ACSL3: variants seen among roughly 807,000 people sequenced by gnomAD.
The protein encoded by ACSL3 is fatty acid CoA ligase Acsl3.
Under a neutral mutation model 84.7 loss-of-function variants are expected in ACSL3, and 34 were observed. The observed-to-expected ratio is 0.40, with a 90% CI of 0.31 to 0.53. The LOEUF (loss-of-function observed/expected upper bound fraction) is 0.53. Ranked by LOEUF, ACSL3 falls within the 20% of genes least tolerant of loss-of-function variation. The pLI is 0.48. For synonymous variants in ACSL3, 315 were observed against 299.4 expected, an observed-to-expected ratio of 1.05 and a Z score of -0.54; for missense variants, 680 against 873.1, an observed-to-expected ratio of 0.78 and a Z score of 2.79.
chr2:222,919,673 T>G (rs974712009), intron 7 of ACSL3, among the ~76,000 whole-genome samples: 7 of 152,180 alleles, frequency 4.6e-5, no homozygotes, highest in Admixed American at 4.6e-4. Context: ...GTTCCTATTC[T>G]CAAAAAAGCG....
intron 1 of ACSL3, among the ~76,000 whole-genome samples, chr2:222,879,052 C>CA (rs1368026685): frequency 6.6e-6 from 1 of 152,204 alleles, no homozygotes; most frequent in African/African-American, 2.4e-5. Context: ...AACAGTGACT[C>CA]ACACCTGTAA....
At chr2:222,889,351 C>A (rs186291309) in intron 2 of ACSL3, among the ~76,000 whole-genome samples, 209 of 152,146 alleles carry the variant, frequency 1.4e-3, no homozygotes, top group Middle Eastern at 0.01. Flanking sequence ...CATAATTTTG[C>A]CTAAAAAGAG....
chr2:222,937,082 T>A (rs1697192251), intron 16 of ACSL3, among the ~76,000 whole-genome samples: 1 of 152,196 alleles, frequency 6.6e-6, no homozygotes, highest in Non-Finnish European at 1.5e-5. Context: ...TGCATTTATT[T>A]GTGTCTTTTA....
In ACSL3 at chr2:222,882,761, G is replaced by GTTTTTTTTTT. The variant is rs71408540; in HGVS notation, c.-206-5059_-206-5050dup. On this transcript the variant is annotated intron_variant, in intron 1 of 16. Transcript: ENST00000357430. ...TTGTCTGGAATACCTCCAGATCACT[G>GTTTTTTTTTT]TTTTTTTTTTTTTTTTTTTGAAGAC... 1.0e-4 allele frequency among the ~76,000 whole-genome samples: 12 copies of GTTTTTTTTTT among 119,982 alleles called. 1 individual carries two copies. The highest frequency in any genetic ancestry group is 3.1e-4 in the African/African-American group (10 of 31,878). 78.7% of individuals were successfully genotyped at this position (119,982 alleles called of 152,430 possible).
rs768172715 is a variant in ACSL3 at position 222,919,036 on chromosome 2, A to G, written c.667-28A>G. The G allele has an allele frequency of 9.3e-6, 15 of 1,609,594 alleles. No individual in the cohort carries two copies. The South Asian group carries it at 1.7e-4, about 18-fold the overall frequency. ...TCGCTAAGCTGCTTGAAAAATAATG[A>G]ACGTGATGAATGTTGGTGTATTTCT... On this transcript the variant is annotated intron_variant, in intron 6 of 16. Transcript: ENST00000357430.
chr2:222,867,147 T>G (rs1211781831), intron 1 of ACSL3, among the ~76,000 whole-genome samples: 1 of 152,186 alleles, frequency 6.6e-6, no homozygotes, highest in Non-Finnish European at 1.5e-5. Flanking sequence ...ATTTTCTTTT[T>G]GGACTTGAAC....
At chr2:222,880,618 G>A (rs1271901572) in intron 1 of ACSL3, among the ~76,000 whole-genome samples, 1 of 152,038 alleles carries the variant, frequency 6.6e-6, no homozygotes, top group East Asian at 1.9e-4. Flanking sequence ...CACGAGATCA[G>A]GAGATCAAGA....
At chr2:222,932,549 G>A (rs1697060736) in intron 14 of ACSL3, among the ~76,000 whole-genome samples, 1 of 152,094 alleles carries the variant, frequency 6.6e-6, no homozygotes, top group African/African-American at 2.4e-5. Flanking sequence ...GGCTGGTCTC[G>A]AACTCCTGAC....
intron 11 of ACSL3, 46 bp downstream of exon 11, chr2:222,924,641 A>C: frequency 6.6e-7 from 1 of 1,519,586 alleles, no homozygotes; most frequent in African/African-American, 1.4e-5. Context: ...TTGATAATTT[A>C]ATCATTTAGT....
intron 13 of ACSL3, among the ~76,000 whole-genome samples, chr2:222,930,350 T>C (rs1386819925): frequency 6.6e-6 from 1 of 152,244 alleles, no homozygotes; most frequent in Non-Finnish European, 1.5e-5. Context: ...CTTGTATTTA[T>C]AATTTTATAC....
chr2:222,901,694 C>T (rs1696154691), intron 3 of ACSL3, among the ~76,000 whole-genome samples: 1 of 152,080 alleles, frequency 6.6e-6, no homozygotes, highest in Admixed American at 6.5e-5. Context: ...CGCCTGTAAT[C>T]CCAGCACTTT....
rs1696123198 is a variant in ACSL3 at position 222,900,774 on chromosome 2, G to A, written c.-47G>A. The A allele has an allele frequency of 6.6e-6, 1 of 152,174 alleles. No homozygotes were observed. The highest frequency in any genetic ancestry group is 1.5e-5 in the Non-Finnish European group (1 of 68,032). 9.4% of individuals were successfully genotyped at this position (152,174 alleles called of 1,614,324 possible). On this transcript the variant is annotated 5_prime_UTR_variant, in exon 3 of 17. Transcript: ENST00000357430. Reference sequence around the variant, plus strand: ...GTCACACCACCTTAGCCTCTTGATCGAGGAAGGTAAAGAATTACTTTCACT... The same window carrying A: ...GTCACACCACCTTAGCCTCTTGATCAAGGAAGGTAAAGAATTACTTTCACT...
intron 4 of ACSL3, among the ~76,000 whole-genome samples, chr2:222,912,070 T>C (rs985426949): frequency 5.9e-5 from 9 of 152,250 alleles, no homozygotes; most frequent in Admixed American, 5.9e-4. Flanking sequence ...GTGTCTAGAC[T>C]GTGTCTTGGG....
intron 3 of ACSL3, among the ~76,000 whole-genome samples, chr2:222,906,436 C>G (rs1696295959): frequency 1.3e-5 from 2 of 152,142 alleles, no homozygotes; most frequent in Non-Finnish European, 2.9e-5. Flanking sequence ...CATAAATTTC[C>G]CCACTTGTGA....
chr2:222,866,135 C>T (rs1034919427), intron 1 of ACSL3, among the ~76,000 whole-genome samples: 1 of 152,076 alleles, frequency 6.6e-6, no homozygotes, highest in African/African-American at 2.4e-5. Context: ...TTTATCTCAG[C>T]CTTGCAAAAT....
At chr2:222,903,676 A>G (rs1574541529) in intron 3 of ACSL3, among the ~76,000 whole-genome samples, 1 of 152,364 alleles carries the variant, frequency 6.6e-6, no homozygotes, top group Non-Finnish European at 1.5e-5. Context: ...AATTTAAACT[A>G]TGTATATTCT....
Position 222,908,897 on chromosome 2 carries a change from A to AT in ACSL3, c.131dup (p.Ser45LeufsTer12). 2 of 1,611,770 alleles carry AT rather than the reference A, an allele frequency of 1.2e-6. No individual in the cohort carries two copies. The highest frequency in any genetic ancestry group is 1.7e-6 in the Non-Finnish European group (2 of 1,179,056). On this transcript the variant is annotated frameshift_variant, in exon 4 of 17. Transcript: ENST00000357430. LOFTEE classifies it high-confidence loss of function. ...ACTATTTTAACATACATTCCGTTTTATTTTTTCTCCGAGTCAAGACAAGAA... is the reference window on the plus strand; with the variant it reads ...ACTATTTTAACATACATTCCGTTTTATTTTTTTCTCCGAGTCAAGACAAGAA...
At chr2:222,909,542 C>G (rs1385939529) in intron 4 of ACSL3, 2 of 164,166 alleles carry the variant, frequency 1.2e-5, no homozygotes, top group African/African-American at 2.4e-5. Context: ...TGTCTTTGTA[C>G]TTTGGCTGTG....
At chr2:222,881,280 A>G (rs1695586074) in intron 1 of ACSL3, among the ~76,000 whole-genome samples, 1 of 152,240 alleles carries the variant, frequency 6.6e-6, no homozygotes, top group South Asian at 2.1e-4. Flanking sequence ...AGTTTGGACT[A>G]GCCACGTTTC....
Sources: gnomAD v4.1 joint callset for allele counts (sites outside exome capture counted in the v4.1 genomes callset) on GRCh38, gnomAD v4.1.1 for gene constraint, MANE v1.5 for transcripts, NCBI Gene and HGNC (gene_info 2026-07-23, HGNC 2026-07-21) for gene names.